Variants in KDM3B observed in about 807,000 individuals in gnomAD.
The protein encoded by KDM3B is lysine-specific demethylase 3B.
KDM3B carries 10 observed loss-of-function variants against 170.0 expected under a neutral mutation model. The ratio of observed to expected loss-of-function variants is 0.06; its 90% CI spans 0.04 to 0.10. The LOEUF (loss-of-function observed/expected upper bound fraction) is 0.10. Among genes scored for constraint, KDM3B ranks in the 10% least tolerant of loss-of-function variants. The pLI, the probability that KDM3B is intolerant of heterozygous loss-of-function variation, is 1.00. For synonymous variants in KDM3B, 831 were observed against 834.8 expected (o/e 1.00, Z 0.08); for missense variants, 1,394 against 2,195.2 (o/e 0.64, Z 7.29).
intron 10 of KDM3B, among the ~76,000 whole-genome samples, chr5:138,398,887 C>CTTTTTTTTTTTTTT (rs537795731): frequency 8.3e-6 from 1 of 120,180 alleles, no homozygotes. Context: ...TCCTAAATTT[C>CTTTTTTTTTTTTTT]TTTTTTTTTT....
intron 1 of KDM3B, among the ~76,000 whole-genome samples, chr5:138,361,440 G>A (rs1761608088): frequency 6.6e-6 from 1 of 151,678 alleles, no homozygotes. Flanking sequence ...AAATCCACAT[G>A]CAAGGTTATT....
At chr5:138,381,962 C>CT (rs34859059) in intron 6 of KDM3B, among the ~76,000 whole-genome samples, 37,195 of 148,326 alleles carry the variant, frequency 0.25, 5,124 homozygotes, top group East Asian at 0.55. Flanking sequence ...ACTACGTCCA[C>CT]TTTTTTTTTT....
intron 11 of KDM3B, among the ~76,000 whole-genome samples, chr5:138,414,858 A>C (rs1449890071): frequency 2.0e-5 from 3 of 152,180 alleles, no homozygotes; most frequent in Non-Finnish European, 4.4e-5. Context: ...TTTGCAGGCT[A>C]GGGTGGGAGG....
intron 1 of KDM3B, among the ~76,000 whole-genome samples, chr5:138,358,043 G>A (rs1761497756): frequency 6.6e-6 from 1 of 151,984 alleles, no homozygotes; most frequent in Non-Finnish European, 1.5e-5. Flanking sequence ...TGTCGCCCAG[G>A]CTGGAGTGTA....
chr5:138,363,479 T>G (rs1761666111), intron 1 of KDM3B, among the ~76,000 whole-genome samples: 1 of 152,224 alleles, frequency 6.6e-6, no homozygotes, highest in South Asian at 2.1e-4. Flanking sequence ...TTGAAGCATT[T>G]GGTGTTTTCT....
intron 2 of KDM3B, among the ~76,000 whole-genome samples, chr5:138,374,610 TATA>T (rs1459711001): frequency 6.6e-6 from 1 of 152,230 alleles, no homozygotes; most frequent in African/African-American, 2.4e-5. Flanking sequence ...GAAGCTCTTG[TATA>T]ATAAGTGCAT....
In KDM3B at chr5:138,391,670, T is replaced by C. The variant is rs1249917967; in HGVS notation, c.2038T>C (p.Ser680Pro). 4 of 1,613,990 alleles carry C rather than the reference T, an allele frequency of 2.5e-6. No individual in the cohort carries two copies. The highest frequency in any genetic ancestry group is 3.4e-6 in the Non-Finnish European group (4 of 1,180,028). Residue 680 changes from serine (S) to proline (P), a missense_variant, in exon 8 of 24, where the codon TCT (serine) becomes CCT (proline). Coordinates refer to ENST00000314358, the MANE Select transcript of KDM3B (RefSeq NM_016604.4). This position sits in a 1 kb window ranked among gnomAD's most constrained non-coding sequence, Gnocchi z 5.0. ...VAPSWPESHSSADSASLAKKK... is the reference protein window; with the variant it reads ...VAPSWPESHSPADSASLAKKK... ...ACCCAGCTGGCCCGAGTCTCACTCC[T>C]CTGCAGATTCGGCATCTTTAGCAAA...
chr5:138,361,260 C>T (rs1761602413), intron 1 of KDM3B, among the ~76,000 whole-genome samples: 1 of 152,088 alleles, frequency 6.6e-6, no homozygotes, highest in African/African-American at 2.4e-5. Context: ...TGCTCTTGAT[C>T]TCTAGGTGGG....
At chr5:138,362,311 GGA>G (rs1761629871) in intron 1 of KDM3B, among the ~76,000 whole-genome samples, 1 of 151,358 alleles carries the variant, frequency 6.6e-6, no homozygotes, top group Non-Finnish European at 1.5e-5. Flanking sequence ...AACAAAAGAA[GGA>G]ACTCTATTGT....
chr5:138,403,975 C>G (rs1179768533), intron 11 of KDM3B, among the ~76,000 whole-genome samples: 2 of 151,514 alleles, frequency 1.3e-5, no homozygotes, highest in Non-Finnish European at 2.9e-5. Flanking sequence ...AAAAATATCT[C>G]AGGTATTTAC....
At chr5:138,368,522 G>A (rs1761800259) in intron 1 of KDM3B, among the ~76,000 whole-genome samples, 1 of 152,140 alleles carries the variant, frequency 6.6e-6, no homozygotes, top group Admixed American at 6.5e-5. Context: ...GGGATTACAG[G>A]TGTGGGCCAC....
At chr5:138,411,069 C>T (rs1178431991) in intron 11 of KDM3B, among the ~76,000 whole-genome samples, 1 of 149,814 alleles carries the variant, frequency 6.7e-6, no homozygotes, top group Non-Finnish European at 1.5e-5. Context: ...TAAACTCCCC[C>T]AGGGAAAAGG....
At position 138,381,566 on chromosome 5, in the gene KDM3B, G is replaced by C; in HGVS notation, c.756G>C (p.Met252Ile). The C allele has an allele frequency of 6.2e-7, 1 of 1,605,530 alleles. No individual in the cohort carries two copies. The highest frequency in any genetic ancestry group is 2.2e-5 in the East Asian group (1 of 44,840). Residue 252 changes from methionine (M) to isoleucine (I), a missense_variant, in exon 6 of 24, where the codon ATG becomes ATC. Physicochemically the swap from Met to Ile is conservative, Grantham distance 10. This residue lies in a region of KDM3B where 166 missense variants were observed against 216.4 expected (regional missense o/e 0.77). Coordinates refer to ENST00000314358, the MANE Select transcript of KDM3B (RefSeq NM_016604.4). Reference protein sequence around the residue: ...VDPRLIHVMLMDNSAPQSEGG... With the variant: ...VDPRLIHVMLIDNSAPQSEGG... Reference sequence around the variant, plus strand: ...CCAGACTAATCCATGTGATGCTGATGGATAATTCAGCGCCTCAAAGCGAGG... The same window carrying C: ...CCAGACTAATCCATGTGATGCTGATCGATAATTCAGCGCCTCAAAGCGAGG...
At chr5:138,382,912 C>T (rs1309020179) in intron 6 of KDM3B, among the ~76,000 whole-genome samples, 3 of 152,106 alleles carry the variant, frequency 2.0e-5, no homozygotes, top group Admixed American at 6.6e-5. Context: ...TGTTCCTTTC[C>T]TTATTTCATT....
intron 7 of KDM3B, among the ~76,000 whole-genome samples, chr5:138,389,438 C>CT (rs993154433): frequency 1.2e-4 from 18 of 151,106 alleles, no homozygotes; most frequent in Non-Finnish European, 2.1e-4. Context: ...TCGGGAATCA[C>CT]TTTTTTTTTA....
intron 1 of KDM3B, among the ~76,000 whole-genome samples, chr5:138,358,634 A>T (rs1761518436): frequency 6.7e-6 from 1 of 150,306 alleles, no homozygotes; most frequent in Admixed American, 6.6e-5. Flanking sequence ...TTTATCTGTC[A>T]TCCAGGCTGG....
chr5:138,374,684 A>G (rs1251954018), intron 2 of KDM3B, among the ~76,000 whole-genome samples: 2 of 152,226 alleles, frequency 1.3e-5, no homozygotes, highest in Non-Finnish European at 2.9e-5. Flanking sequence ...ATATGAATTA[A>G]CCATGCATAT....
At position 138,391,352 on chromosome 5, in the gene KDM3B, G is replaced by T; in HGVS notation, c.1720G>T (p.Val574Phe). 2 of 1,614,152 alleles carry T rather than the reference G, an allele frequency of 1.2e-6. No homozygotes were observed. The highest frequency in any genetic ancestry group is 1.7e-6 in the Non-Finnish European group (2 of 1,180,040). Residue 574 changes from valine to phenylalanine, a missense_variant, in exon 8 of 24, where the codon GTT (valine) becomes TTT (phenylalanine). By Grantham distance (50) the Val-to-Phe change is conservative. This residue lies in a region of KDM3B where 294 missense variants were observed against 311.7 expected (regional missense o/e 0.94). Transcript: ENST00000314358. This position sits in a 1 kb window ranked among gnomAD's most constrained non-coding sequence, Gnocchi z 5.0. Reference sequence around the variant, plus strand: ...CTCAGGCCTGTGTAAAGGCAGATCCGTTCTTGGAACAGACACTAAGCCAGG... The same window carrying T: ...CTCAGGCCTGTGTAAAGGCAGATCCTTTCTTGGAACAGACACTAAGCCAGG... ...LSSGLCKGRS[V>F]LGTDTKPGSK...
chr5:138,429,735 A>C, intron 20 of KDM3B, 91 bp from the exon 21 acceptor site: 1 of 1,411,792 alleles, frequency 7.1e-7, no homozygotes, highest in Non-Finnish European at 9.7e-7. Flanking sequence ...GGAGAAGAGT[A>C]AAACTCAATT....
Sources: gnomAD v4.1 joint callset for allele counts (sites outside exome capture counted in the v4.1 genomes callset) on GRCh38, gnomAD v4.1.1 for gene constraint, gnomAD v4.1.1 regional missense constraint, Gnocchi (gnomAD v3.1) non-coding constraint, MANE v1.5 for transcripts, NCBI Gene and HGNC (gene_info 2026-07-23, HGNC 2026-07-21) for gene names.